Variants in GNG2 observed in about 807,000 individuals in gnomAD.
GNG2 encodes G protein subunit gamma 2, also known as guanine nucleotide-binding protein G(I)/G(S)/G(O) subunit gamma-2.
In GNG2, 5 loss-of-function variants were observed where a neutral mutation model predicts 5.5. That is an observed-to-expected ratio of 0.91 (90% confidence interval 0.48 to 1.92). The LOEUF is 1.92. Ranked by LOEUF, GNG2 falls within the 30% of genes most tolerant of loss-of-function variation. The pLI is 0.01. For missense variants in GNG2, 55 were observed against 88.4 expected, an observed-to-expected ratio of 0.62 and a Z score of 1.52; for synonymous variants, 28 against 32.0, an observed-to-expected ratio of 0.88 and a Z score of 0.42.
At chr14:51,888,477 C>T (rs753349914) in intron 2 of GNG2, among the ~76,000 whole-genome samples, 21 of 152,076 alleles carry the variant, frequency 1.4e-4, no homozygotes, top group Non-Finnish European at 3.1e-4. Context: ...CACCACCACG[C>T]CTGGCTAATT....
chr14:51,966,132 C>T (rs376911620), intron 3 of GNG2, among the ~76,000 whole-genome samples: 149 of 139,746 alleles, frequency 1.1e-3, no homozygotes, highest in African/African-American at 3.7e-3. Flanking sequence ...ATTGCTTGAA[C>T]CCAGGAGGCA....
At chr14:51,827,112 G>C (rs941550065) in intron 1 of GNG2, among the ~76,000 whole-genome samples, 2 of 152,172 alleles carry the variant, frequency 1.3e-5, no homozygotes, top group Admixed American at 1.3e-4. Flanking sequence ...CCTGTATGTA[G>C]AATAATCTGG....
At chr14:51,868,824 T>G (rs965582839) in intron 1 of GNG2, among the ~76,000 whole-genome samples, 1 of 152,208 alleles carries the variant, frequency 6.6e-6, no homozygotes, top group Admixed American at 6.5e-5. Context: ...GATTACTTGA[T>G]CTGGGTTGGA....
At chr14:51,905,127 C>T (rs141321594) in intron 2 of GNG2, among the ~76,000 whole-genome samples, 29 of 152,206 alleles carry the variant, frequency 1.9e-4, no homozygotes, top group Non-Finnish European at 3.5e-4. Flanking sequence ...TTGGTTGGCT[C>T]GCTGCATCCA....
chr14:51,856,793 T>C (rs920496638), upstream of GNG2, among the ~76,000 whole-genome samples: 3 of 152,232 alleles, frequency 2.0e-5, no homozygotes, highest in Non-Finnish European at 2.9e-5. Flanking sequence ...AGAAGTTCAA[T>C]GCAGAAATGG....
At chr14:51,948,251 GA>G (rs1195474880) in intron 2 of GNG2, among the ~76,000 whole-genome samples, 2 of 152,020 alleles carry the variant, frequency 1.3e-5, no homozygotes, top group Non-Finnish European at 2.9e-5. Context: ...TCTCCACTAA[GA>G]AAAAAAGTGT....
At chr14:51,896,772 A>G (rs1199016255) in intron 2 of GNG2, among the ~76,000 whole-genome samples, 3 of 152,238 alleles carry the variant, frequency 2.0e-5, no homozygotes, top group Non-Finnish European at 4.4e-5. Flanking sequence ...GATGGCCAAA[A>G]TATAACAATC....
intron 2 of GNG2, among the ~76,000 whole-genome samples, chr14:51,854,399 G>A (rs2140091676): frequency 6.6e-6 from 1 of 152,298 alleles, no homozygotes; most frequent in South Asian, 2.1e-4. Context: ...GGCAGCCCTG[G>A]TCTGGGGAGT....
chr14:51,887,110 T>C (rs1884512475), intron 2 of GNG2, among the ~76,000 whole-genome samples: 1 of 152,048 alleles, frequency 6.6e-6, no homozygotes. Flanking sequence ...CAGAGTTCAG[T>C]TGTTTGTGTG....
At chr14:51,937,137 G>T (rs1888054296) in intron 2 of GNG2, among the ~76,000 whole-genome samples, 1 of 152,066 alleles carries the variant, frequency 6.6e-6, no homozygotes, top group African/African-American at 2.4e-5. Flanking sequence ...ATTGTCAAAG[G>T]GATATTGGCA....
At chr14:51,872,221 T>C (rs1883350429) in intron 1 of GNG2, among the ~76,000 whole-genome samples, 1 of 152,226 alleles carries the variant, frequency 6.6e-6, no homozygotes, top group Admixed American at 6.5e-5. Context: ...ATTGAAACTC[T>C]CTGGTTTTCC....
At chr14:51,956,940 C>G (rs899938045) in intron 3 of GNG2, among the ~76,000 whole-genome samples, 4 of 152,112 alleles carry the variant, frequency 2.6e-5, no homozygotes, top group African/African-American at 9.7e-5. Context: ...GAGTAATTCT[C>G]CTGTTTTTTT....
At chr14:51,876,784 G>T (rs928695958) in intron 1 of GNG2, among the ~76,000 whole-genome samples, 1 of 152,002 alleles carries the variant, frequency 6.6e-6, no homozygotes, top group Non-Finnish European at 1.5e-5. Flanking sequence ...ACTGATGTTC[G>T]TTTGGCCCTA....
chr14:51,880,401 T>C (rs1188271492), intron 2 of GNG2, among the ~76,000 whole-genome samples: 2 of 152,224 alleles, frequency 1.3e-5, no homozygotes, highest in Non-Finnish European at 2.9e-5. Flanking sequence ...GTGGTATTTA[T>C]TATAGCCAAT....
At chr14:51,891,490 A>G (rs1375376745) in intron 2 of GNG2, among the ~76,000 whole-genome samples, 1 of 152,226 alleles carries the variant, frequency 6.6e-6, no homozygotes, top group East Asian at 1.9e-4. Flanking sequence ...TTAGTAGAAC[A>G]AACCCACATA....
intron 2 of GNG2, among the ~76,000 whole-genome samples, chr14:51,882,274 A>ATT (rs1418362273): frequency 6.6e-6 from 1 of 152,188 alleles, no homozygotes; most frequent in Non-Finnish European, 1.5e-5. Flanking sequence ...TTATATGTGA[A>ATT]TTTTACCTCA....
At chr14:51,860,554 G>A (rs934236626), upstream of GNG2, 3 of 152,614 alleles carry the variant, frequency 2.0e-5, no homozygotes, top group East Asian at 1.9e-4. Context: ...GAGGAAGTGG[G>A]AGATGCGCTG....
At chr14:51,887,527 A>G (rs1477685071) in intron 2 of GNG2, among the ~76,000 whole-genome samples, 1 of 152,210 alleles carries the variant, frequency 6.6e-6, no homozygotes, top group African/African-American at 2.4e-5. Flanking sequence ...GCACAAAATG[A>G]TGGACAAAAC....
intron 2 of GNG2, among the ~76,000 whole-genome samples, chr14:51,919,149 C>T (rs542450692): frequency 2.1e-3 from 245 of 115,606 alleles, no homozygotes; most frequent in Non-Finnish European, 2.3e-3. Flanking sequence ...TGATTTTACT[C>T]TAAATTTTAT....
Sources: gnomAD v4.1 joint callset for allele counts (sites outside exome capture counted in the v4.1 genomes callset) on GRCh38, gnomAD v4.1.1 for gene constraint, MANE v1.5 for transcripts, NCBI Gene and HGNC (gene_info 2026-07-23, HGNC 2026-07-21) for gene names.